The following DACT2 variants were observed in gnomAD, a reference collection of about 807,000 sequenced individuals.
The protein encoded by DACT2 is dapper homolog 2.
DACT2 carries 20 observed loss-of-function variants against 22.2 expected under a neutral mutation model. That is an observed-to-expected ratio of 0.90 (90% CI 0.63 to 1.31). The LOEUF (loss-of-function observed/expected upper bound fraction) is 1.31, where lower values mean the gene tolerates loss of function less well. DACT2 is among the 50% of genes most tolerant of loss of function. The pLI is 0.00. For synonymous variants in DACT2, 463 were observed against 479.8 expected (o/e 0.96, Z 0.46); for missense variants, 1,048 against 1,061.4 (o/e 0.99, Z 0.18).
chr6:168,308,974 C>A lies in DACT2; in HGVS notation c.783G>T (p.Arg261=), dbSNP rs1779315199. The change falls in exon 4 of 4, where the codon CGG becomes CGT. Residue 261 remains arginine, a synonymous_variant. Coordinates refer to ENST00000366795, the MANE Select transcript of DACT2 (RefSeq NM_214462.5). The part of the protein sequence containing the change: ...IPLHVPDPKY[R]QDLVSQGGRE... ...TGCCGCCCTGGGACACCAGGTCCTG[C>A]CGATACTTGGGGTCCGGCACGTGCA... 1.3e-6 allele frequency: 2 copies of A among 1,549,596 alleles called. No homozygotes were observed. Among genetic ancestry groups the A allele is most frequent in the African/African-American group, 1.4e-5 (1 of 73,062 alleles).
At position 168,307,402 on chromosome 6, in the gene DACT2, G is replaced by T; in HGVS notation, c.*30C>A. The T allele has an allele frequency of 6.4e-7, 1 of 1,550,392 alleles. No homozygotes were observed. Among genetic ancestry groups the T allele is most frequent in the Non-Finnish European group, 8.7e-7 (1 of 1,146,496 alleles). ...TGCATGGAAAGGGCCCCTGTGTGCA[G>T]CAGGCTTCTCTTGACGCAGTCACTG... On this transcript the variant is annotated 3_prime_UTR_variant, in exon 4 of 4. Transcript: ENST00000366795. This position sits in a 1 kb window ranked among gnomAD's most constrained non-coding sequence, Gnocchi z 5.3.
At chr6:168,300,933 C>A (rs1359224253) in intron 3 of DACT2, among the ~76,000 whole-genome samples, 1 of 152,186 alleles carries the variant, frequency 6.6e-6, no homozygotes, top group Non-Finnish European at 1.5e-5. Flanking sequence ...TTGCAGTGAG[C>A]TGAGTTCGTG....
downstream of DACT2, among the ~76,000 whole-genome samples, chr6:168,305,142 G>A (rs9346686): frequency 0.47 from 70,980 of 151,914 alleles, 17,357 homozygotes; most frequent in East Asian, 0.88. Flanking sequence ...GAAGGAGAAC[G>A]ATTGATTGAT....
chr6:168,315,390 C>T (rs371304724), intron 1 of DACT2, among the ~76,000 whole-genome samples: 3 of 152,096 alleles, frequency 2.0e-5, no homozygotes, highest in African/African-American at 2.4e-5. Flanking sequence ...TTCTTGGGAA[C>T]GACAAGTTTC....
intron 3 of DACT2, 130 bp from the exon 4 acceptor site, chr6:168,309,228 A>G (rs1049205678): frequency 7.2e-7 from 1 of 1,382,214 alleles, no homozygotes; most frequent in Admixed American, 2.8e-5. Context: ...CCTGGGTCCC[A>G]TGGGAGACGG....
exon 6 of DACT2, chr6:168,293,032 C>T (rs1188491667): frequency 6.6e-6 from 1 of 152,090 alleles, no homozygotes; most frequent in Non-Finnish European, 1.5e-5. Context: ...TAAAAAGACA[C>T]ATTGTAAATA....
downstream of DACT2, among the ~76,000 whole-genome samples, chr6:168,304,847 G>A (rs1434084873): frequency 6.6e-6 from 1 of 152,206 alleles, no homozygotes; most frequent in African/African-American, 2.4e-5. Context: ...GCAGAACACT[G>A]AGCGGAGGCA....
At chr6:168,310,531 G>T in intron 2 of DACT2, 85 bp from the exon 3 acceptor site, 1 of 1,493,694 alleles carries the variant, frequency 6.7e-7, no homozygotes, top group East Asian at 2.5e-5. Flanking sequence ...TCACGGCACA[G>T]GTGGGCCCAG....
chr6:168,311,285 C>T lies in DACT2; in HGVS notation c.247-1G>A, dbSNP rs2114912223. The T allele has an allele frequency of 6.5e-7, 1 of 1,541,410 alleles. No homozygotes were observed. The highest frequency in any genetic ancestry group is 8.8e-7 in the Non-Finnish European group (1 of 1,138,362). The stretch of plus-strand genomic sequence containing the variant: ...CGATGTCCTGTTGTCTCAGCCGGGA[C>T]TGAGAAGGGAAAGAAGAGAAAGGGA... On this transcript the variant is annotated splice_acceptor_variant, in intron 1 of 3. Transcript: ENST00000366795. LOFTEE classifies it high-confidence loss of function.
At chr6:168,294,323 A>G (rs955905225) in intron 4 of DACT2, 6 of 684,952 alleles carry the variant, frequency 8.8e-6, no homozygotes, top group Non-Finnish European at 1.6e-5. Context: ...GGGGAAGAGG[A>G]CGGCCACGCT....
At chr6:168,318,084 C>T (rs1761114331) in intron 1 of DACT2, among the ~76,000 whole-genome samples, 1 of 147,946 alleles carries the variant, frequency 6.8e-6, no homozygotes, top group African/African-American at 2.5e-5. Context: ...AGCAGCACCT[C>T]CCTTCCCATC....
rs1779384942 is a variant in DACT2, at chr6:168,311,043, G to A, written c.379+109C>T. The A allele has an allele frequency of 1.0e-5, 14 of 1,366,788 alleles. No individual in the cohort carries two copies. The South Asian group carries it at 2.4e-4, about 24-fold the overall frequency. The allele number at this position is 1,366,788 out of a possible 1,614,324, so 84.7% of individuals were successfully genotyped here. A position where few individuals can be genotyped will look rare whatever the true frequency, so the allele number is the denominator to read the frequency against. On this transcript the variant is annotated intron_variant, in intron 2 of 3. Coordinates refer to ENST00000366795, the MANE Select transcript of DACT2 (RefSeq NM_214462.5). ...CGGCCATCTCCCTGCACGGACACTA[G>A]GATACCTGGAATGGAATTTCAGCCC... is the stretch of plus-strand genomic sequence containing the variant.
At chr6:168,319,078 G>C (rs1779581542) in intron 1 of DACT2, among the ~76,000 whole-genome samples, 3 of 152,112 alleles carry the variant, frequency 2.0e-5, no homozygotes, top group Admixed American at 6.5e-5. Context: ...AACGAACAGG[G>C]TGTCTCTCCC....
intron 3 of DACT2, among the ~76,000 whole-genome samples, chr6:168,295,497 C>T (rs905663526): frequency 6.6e-6 from 1 of 152,114 alleles, no homozygotes; most frequent in African/African-American, 2.4e-5. Context: ...ATGCACCTAA[C>T]TTAAAATTCC....
At chr6:168,304,723 A>C (rs546836894), downstream of DACT2, among the ~76,000 whole-genome samples, 30 of 152,276 alleles carry the variant, frequency 2.0e-4, 1 homozygote, top group South Asian at 6.0e-3. Flanking sequence ...AATCCTGAGG[A>C]GCTATCAGCT....
intron 1 of DACT2, among the ~76,000 whole-genome samples, chr6:168,319,094 T>C (rs1779581809): frequency 6.6e-6 from 1 of 152,124 alleles, no homozygotes; most frequent in Non-Finnish European, 1.5e-5. Flanking sequence ...CTCCCAAATC[T>C]GCCAGCTTCG....
intron 1 of DACT2, among the ~76,000 whole-genome samples, chr6:168,316,515 G>A (rs549617403): frequency 2.1e-5 from 2 of 93,370 alleles, no homozygotes; most frequent in East Asian, 6.8e-4. Context: ...TGGCTGTCGT[G>A]TGCTGAGCTG....
chr6:168,303,117 A>G (rs1001482964), downstream of DACT2, among the ~76,000 whole-genome samples: 1 of 152,226 alleles, frequency 6.6e-6, no homozygotes, highest in Admixed American at 6.5e-5. Context: ...GAGATTAAAT[A>G]CATACTTGAC....
Position 168,309,016 on chromosome 6 carries a change from C to T in DACT2, c.741G>A (p.Gln247=). The T allele has an allele frequency of 6.5e-7, 1 of 1,548,016 alleles. No individual in the cohort carries two copies. The highest frequency in any genetic ancestry group is 8.7e-7 in the Non-Finnish European group (1 of 1,146,926). The part of the protein sequence containing the change: ...ADAELLGLLC[Q]GVDIPLHVPD... ...GCACGTGCAGCGGGATATCCACCCC[C>T]TGGCAGAGGAGCCCGAGGAGCTCGG... is the stretch of plus-strand genomic sequence containing the variant. The change falls in exon 4 of 4, where the codon CAG becomes CAA. Residue 247 remains glutamine (Q), a synonymous_variant. Coordinates refer to ENST00000366795, the MANE Select transcript of DACT2 (RefSeq NM_214462.5).
Sources: gnomAD v4.1 joint callset for allele counts (sites outside exome capture counted in the v4.1 genomes callset) on GRCh38, gnomAD v4.1.1 for gene constraint, Gnocchi (gnomAD v3.1) non-coding constraint, MANE v1.5 for transcripts, NCBI Gene and HGNC (gene_info 2026-07-23, HGNC 2026-07-21) for gene names.